ERC2: variants seen among roughly 807,000 people sequenced by gnomAD.
ERC2 encodes the protein ERC protein 2.
In ERC2, 42 loss-of-function variants were observed where a neutral mutation model predicts 114.8. The observed-to-expected ratio is 0.37, with a 90% CI of 0.29 to 0.47. ERC2 has a LOEUF of 0.47. Among genes scored for constraint, ERC2 ranks in the 20% least tolerant of loss-of-function variants. The pLI, the probability that ERC2 is intolerant of heterozygous loss-of-function variation, is 0.99. For synonymous variants in ERC2, 454 were observed against 425.5 expected, an observed-to-expected ratio of 1.07 and a Z score of -0.82; for missense variants, 939 against 1,150.7, an observed-to-expected ratio of 0.82 and a Z score of 2.66.
intron 3 of ERC2, among the ~76,000 whole-genome samples, chr3:56,182,100 T>C (rs1474049408): frequency 1.3e-5 from 2 of 152,224 alleles, no homozygotes; most frequent in Non-Finnish European, 2.9e-5. Context: ...TGCAGCCATA[T>C]ATTGCAAATA....
chr3:56,445,990 C>T (rs1319010634), intron 1 of ERC2, among the ~76,000 whole-genome samples: 1 of 151,958 alleles, frequency 6.6e-6, no homozygotes, highest in Non-Finnish European at 1.5e-5. Flanking sequence ...CTCAATGGCC[C>T]TCTTGTTTAG....
intron 14 of ERC2, among the ~76,000 whole-genome samples, chr3:55,799,081 G>A (rs1010902345): frequency 6.6e-6 from 1 of 151,926 alleles, no homozygotes; most frequent in South Asian, 2.1e-4. Flanking sequence ...GGGATTCATC[G>A]GTCACAGTAG....
chr3:55,911,984 G>A (rs894696918), intron 13 of ERC2, among the ~76,000 whole-genome samples: 1 of 152,150 alleles, frequency 6.6e-6, no homozygotes, highest in African/African-American at 2.4e-5. Context: ...AACACTTAAA[G>A]GGGCATGCAG....
At chr3:56,322,398 C>T (rs2057168592) in intron 2 of ERC2, among the ~76,000 whole-genome samples, 2 of 152,142 alleles carry the variant, frequency 1.3e-5, no homozygotes, top group African/African-American at 2.4e-5. Context: ...TTCTCCACCC[C>T]TTGAATTGGG....
At chr3:55,831,777 G>A (rs553692838) in intron 14 of ERC2, among the ~76,000 whole-genome samples, 6 of 152,282 alleles carry the variant, frequency 3.9e-5, no homozygotes, top group East Asian at 1.9e-4. Flanking sequence ...ACAACGCACC[G>A]TGTGTGAGTC....
chr3:55,703,392 T>C (rs1366962720), intron 15 of ERC2, among the ~76,000 whole-genome samples: 8 of 152,206 alleles, frequency 5.3e-5, no homozygotes, highest in Non-Finnish European at 7.3e-5. Flanking sequence ...CTGAGTTATA[T>C]CCATTAGTTC....
intron 3 of ERC2, among the ~76,000 whole-genome samples, chr3:56,250,798 T>C (rs2052093640): frequency 6.6e-6 from 1 of 152,314 alleles, no homozygotes; most frequent in East Asian, 1.9e-4. Flanking sequence ...CTGGGCACAC[T>C]TAAATGGATG....
In ERC2 at chr3:56,258,312, T is replaced by G. The variant is rs182395766; in HGVS notation, c.1074+37707A>C. Among the ~76,000 whole-genome samples the G allele has an allele frequency of 5.8e-3, 876 of 152,316 alleles. 7 individuals carry two copies. The highest frequency in any genetic ancestry group is 0.019 in the African/African-American group (791 of 41,562). The stretch of plus-strand genomic sequence containing the variant: ...GCTACTCAGCTCTCTTGCTATAGCC[T>G]GAATGCAGCCAGAGACAATGTGTGA... On this transcript the variant is annotated intron_variant, in intron 3 of 17. Coordinates refer to ENST00000288221, the MANE Select transcript of ERC2 (RefSeq NM_015576.3).
At chr3:56,288,522 T>C (rs1327869877) in intron 3 of ERC2, among the ~76,000 whole-genome samples, 1 of 152,180 alleles carries the variant, frequency 6.6e-6, no homozygotes, top group African/African-American at 2.4e-5. Flanking sequence ...TTGATGATAC[T>C]CATTGAAATG....
intron 3 of ERC2, among the ~76,000 whole-genome samples, chr3:56,198,523 A>G (rs1308321767): frequency 6.6e-6 from 1 of 152,198 alleles, no homozygotes; most frequent in African/African-American, 2.4e-5. Context: ...TGAATCAGAG[A>G]ATACACAGAT....
intron 3 of ERC2, among the ~76,000 whole-genome samples, chr3:56,182,898 T>C (rs1231017886): frequency 6.6e-6 from 1 of 152,316 alleles, no homozygotes; most frequent in East Asian, 1.9e-4. Flanking sequence ...CTGAGACCAA[T>C]GTCCATATTA....
intron 3 of ERC2, among the ~76,000 whole-genome samples, chr3:56,246,557 A>G (rs1035197736): frequency 4.6e-5 from 7 of 152,048 alleles, no homozygotes; most frequent in African/African-American, 1.7e-4. Flanking sequence ...GATTAACTCA[A>G]TCCTCACAAT....
intron 17 of ERC2, among the ~76,000 whole-genome samples, chr3:55,550,395 TC>T (rs566762586): frequency 7.9e-4 from 120 of 152,318 alleles, no homozygotes; most frequent in African/African-American, 2.8e-3. Context: ...GGCAGGGCAA[TC>T]AGCCCTTTGT....
At chr3:55,763,058 G>A (rs889225535) in intron 14 of ERC2, among the ~76,000 whole-genome samples, 2 of 152,150 alleles carry the variant, frequency 1.3e-5, no homozygotes, top group Admixed American at 1.3e-4. Flanking sequence ...TAAGAAAATG[G>A]CATTATTGGG....
intron 1 of ERC2, among the ~76,000 whole-genome samples, chr3:56,460,900 C>A (rs1236065232): frequency 6.9e-6 from 1 of 144,614 alleles, no homozygotes; most frequent in Non-Finnish European, 1.5e-5. Flanking sequence ...GCGGGCGGAT[C>A]ACGGGGTCAC....
At chr3:56,126,866 G>A (rs1443652324) in intron 6 of ERC2, among the ~76,000 whole-genome samples, 4 of 150,712 alleles carry the variant, frequency 2.7e-5, no homozygotes, top group Admixed American at 1.3e-4. Flanking sequence ...GAAAGGCAAG[G>A]CAAGGCAAGG....
intron 12 of ERC2, among the ~76,000 whole-genome samples, chr3:55,964,277 T>C (rs1205963503): frequency 2.4e-4 from 36 of 152,224 alleles, no homozygotes; most frequent in Admixed American, 2.3e-3. Flanking sequence ...CCCAACATCA[T>C]ATACTTAAAA....
chr3:55,951,492 A>G (rs1286964513), intron 12 of ERC2, among the ~76,000 whole-genome samples: 2 of 152,204 alleles, frequency 1.3e-5, no homozygotes, highest in Non-Finnish European at 2.9e-5. Flanking sequence ...TGGGTTCAAG[A>G]AAACAACAAT....
At chr3:55,879,099 A>ATTTTTTTTTTTTTTTTTT (rs3047064) in intron 14 of ERC2, among the ~76,000 whole-genome samples, 2 of 127,790 alleles carry the variant, frequency 1.6e-5, no homozygotes, top group African/African-American at 6.0e-5. Context: ...CTTTTTCTTA[A>ATTTTTTTTTTTTTTTTTT]TTTTTTTTTT....
Sources: allele counts gnomAD v4.1 joint callset (sites outside exome capture counted in the v4.1 genomes callset), GRCh38; gene constraint gnomAD v4.1.1; transcripts MANE v1.5; gene names NCBI Gene and HGNC (gene_info 2026-07-23, HGNC 2026-07-21).